Variants in CUL5 observed in about 807,000 individuals in gnomAD.
CUL5 encodes cullin-5.
A neutral mutation model predicts 108.8 loss-of-function variants in CUL5; 26 were observed. That is an observed-to-expected ratio of 0.24 (90% CI 0.18 to 0.33). CUL5 has a LOEUF of 0.33. CUL5 is among the 10% of genes least tolerant of loss of function. The pLI, the probability that CUL5 is intolerant of heterozygous loss-of-function variation, is 1.00. For synonymous variants in CUL5, 334 were observed against 298.0 expected (o/e 1.12, Z -1.25); for missense variants, 524 against 909.2 (o/e 0.58, Z 5.45).
chr11:108,044,359 T>TA (rs1254505081), intron 2 of CUL5, among the ~76,000 whole-genome samples: 1 of 151,106 alleles, frequency 6.6e-6, no homozygotes, highest in Non-Finnish European at 1.5e-5. Flanking sequence ...CTACAAAAAA[T>TA]AAAAAATTAG....
chr11:108,058,411 G>A (rs1863452308), intron 7 of CUL5, among the ~76,000 whole-genome samples: 1 of 150,998 alleles, frequency 6.6e-6, no homozygotes, highest in South Asian at 2.1e-4. Flanking sequence ...ACCACACCCG[G>A]CTAATTTTTT....
chr11:108,088,513 A>T lies in CUL5; in HGVS notation c.1179-14A>T. ...AATCATTTTTCCATCAACTGCTTTT[A>T]ATTTGTTTTTTAGGGTGGGATTAAA... On this transcript the variant is annotated splice_polypyrimidine_tract_variant and intron_variant, in intron 11 of 18. Coordinates refer to ENST00000393094, the MANE Select transcript of CUL5 (RefSeq NM_003478.6). The T allele has an allele frequency of 6.3e-7, 1 of 1,576,380 alleles. No homozygotes were observed. Among genetic ancestry groups the T allele is most frequent in the Non-Finnish European group, 8.6e-7 (1 of 1,168,118 alleles).
chr11:108,073,545 C>A, intron 10 of CUL5, 48 bp downstream of exon 10: 1 of 810,028 alleles, frequency 1.2e-6, no homozygotes, highest in Non-Finnish European at 1.9e-6. Context: ...GTTTTATTCT[C>A]ATAATTTACT....
chr11:108,098,183 A>C (rs946297835), intron 17 of CUL5, among the ~76,000 whole-genome samples: 16 of 152,194 alleles, frequency 1.1e-4, no homozygotes, highest in African/African-American at 3.9e-4. Flanking sequence ...CTTTGTTTTT[A>C]CAGAGAATGT....
At chr11:108,103,966 C>T (rs778904693) in intron 18 of CUL5, among the ~76,000 whole-genome samples, 5 of 152,116 alleles carry the variant, frequency 3.3e-5, no homozygotes, top group African/African-American at 7.2e-5. Flanking sequence ...CCTATCCCCC[C>T]ACCCCAATAA....
chr11:108,090,104 C>CT (rs749431513), intron 13 of CUL5, among the ~76,000 whole-genome samples: 4 of 151,860 alleles, frequency 2.6e-5, no homozygotes, highest in Non-Finnish European at 2.9e-5. Flanking sequence ...GTTCTTAATA[C>CT]TTTCAGTAAA....
In CUL5 at chr11:108,048,648, C is replaced by CTTTT. The variant is rs200991204; in HGVS notation, c.235-1209_235-1206dup. Among the ~76,000 whole-genome samples, 62 of 116,854 alleles carry CTTTT rather than the reference C, an allele frequency of 5.3e-4. 4 individuals are homozygous for CTTTT. Among genetic ancestry groups the CTTTT allele is most frequent in the South Asian group, 2.4e-3 (9 of 3,722 alleles). 76.7% of individuals were successfully genotyped at this position (116,854 alleles called of 152,430 possible). A position where few individuals can be genotyped will look rare whatever the true frequency, so the allele number is the denominator to read the frequency against. On this transcript the variant is annotated intron_variant, in intron 3 of 18. Transcript: ENST00000393094. ...ATAGTGGGGAAATAGACTCCACCACCTTTTTTTTTTTTTTTTTTTTTTTTT... is the reference window on the plus strand; with the variant it reads ...ATAGTGGGGAAATAGACTCCACCACCTTTTTTTTTTTTTTTTTTTTTTTTTTTTT...
At chr11:108,024,740 G>A (rs764202092) in intron 1 of CUL5, among the ~76,000 whole-genome samples, 3 of 152,084 alleles carry the variant, frequency 2.0e-5, no homozygotes, top group Non-Finnish European at 2.9e-5. Context: ...AAATTTGTTG[G>A]CCTTTATAAT....
Position 108,098,541 on chromosome 11 carries a change from TGACA to T in CUL5, c.2148+15_2148+18del. 1 of 1,497,564 alleles carries T rather than the reference TGACA, an allele frequency of 6.7e-7. No homozygotes were observed. The highest frequency in any genetic ancestry group is 1.8e-4 in the Middle Eastern group (1 of 5,612). 92.8% of individuals were successfully genotyped at this position (1,497,564 alleles called of 1,614,324 possible). On this transcript the variant is annotated intron_variant, in intron 18 of 18. Coordinates refer to ENST00000393094, the MANE Select transcript of CUL5 (RefSeq NM_003478.6). ...TACTAAGAACCCAGGTTTGTAATGT[TGACA>T]GAATGTCTGAAGTTTAAAAAAACTT...
intron 2 of CUL5, among the ~76,000 whole-genome samples, chr11:108,041,173 A>G (rs1201401625): frequency 6.6e-6 from 1 of 152,124 alleles, no homozygotes; most frequent in Non-Finnish European, 1.5e-5. Context: ...TGTCTCCTCT[A>G]CAGGGATCAC....
chr11:108,102,005 T>C (rs987607954), intron 18 of CUL5, among the ~76,000 whole-genome samples: 1 of 152,082 alleles, frequency 6.6e-6, no homozygotes. Context: ...TGTCATCATA[T>C]CTTTTATTTA....
At chr11:108,017,389 C>CAA (rs71840119) in intron 1 of CUL5, among the ~76,000 whole-genome samples, 11,784 of 102,436 alleles carry the variant, frequency 0.12, 1,015 homozygotes, top group African/African-American at 0.15. Context: ...GACCCTGTCT[C>CAA]AAAAAAAAAA....
At chr11:108,028,666 G>A (rs916625347) in intron 1 of CUL5, among the ~76,000 whole-genome samples, 5 of 151,914 alleles carry the variant, frequency 3.3e-5, no homozygotes, top group Non-Finnish European at 7.4e-5. Context: ...GTGAAACCCC[G>A]TCTCTACTAA....
chr11:108,033,084 A>G (rs775888952), intron 1 of CUL5, among the ~76,000 whole-genome samples: 2 of 152,214 alleles, frequency 1.3e-5, no homozygotes, highest in African/African-American at 2.4e-5. Context: ...ATGATTTGTT[A>G]TAGGGAAAGG....
In CUL5 at chr11:108,049,917, G is replaced by A; in HGVS notation, c.262G>A (p.Ala88Thr). ...AGTACTGAGCCATCAAGATGATACG[G>A]CTTTGCTAAAAGCATATATTGTTGA... ...ARVLSHQDDT[A>T]LLKAYIVEWR... is the part of the protein sequence containing the mutation. Residue 88 changes from alanine to threonine, a missense_variant, in exon 4 of 19, where the codon GCT becomes ACT. Ala to Thr is a moderately conservative substitution (Grantham distance 58). Around this residue, in one of 8 missense-constraint regions of CUL5, gnomAD observed 170 missense variants for 305.1 expected, o/e 0.56. Transcript: ENST00000393094. 6.2e-7 allele frequency: 1 copy of A among 1,613,308 alleles called. No homozygotes were observed. The highest frequency in any genetic ancestry group is 8.5e-7 in the Non-Finnish European group (1 of 1,179,726).
intron 11 of CUL5, 45 bp from the exon 12 acceptor site, chr11:108,088,482 A>G (rs760642230): frequency 6.5e-7 from 1 of 1,544,574 alleles, no homozygotes; most frequent in East Asian, 2.3e-5. Flanking sequence ...AATAATTGCA[A>G]ACATTAATCA....
chr11:108,092,687 G>A (rs1014572029), intron 13 of CUL5, among the ~76,000 whole-genome samples: 1 of 152,156 alleles, frequency 6.6e-6, no homozygotes, highest in Admixed American at 6.6e-5. Context: ...GGGAAATGAC[G>A]AGTGACTGTA....
At chr11:108,058,341 C>G (rs1863450301) in intron 7 of CUL5, among the ~76,000 whole-genome samples, 1 of 145,088 alleles carries the variant, frequency 6.9e-6, no homozygotes, top group South Asian at 2.3e-4. Flanking sequence ...CTCTGCTTCC[C>G]AGGTTCATGT....
Position 108,067,358 on chromosome 11 carries a change from T to C in CUL5, c.781-2738T>C, listed in dbSNP as rs73557129. ...CCAAATTCTTCTCAGTTTACTTTAA[T>C]TATGTTGTCAATTTAGCTCTCCTTT... On this transcript the variant is annotated intron_variant, in intron 7 of 18. Transcript: ENST00000393094. Among the ~76,000 whole-genome samples the C allele has an allele frequency of 1.0e-2, 1,519 of 152,308 alleles. 26 individuals carry two copies. The highest frequency in any genetic ancestry group is 0.035 in the African/African-American group (1,438 of 41,590).
Sources: gnomAD v4.1 joint callset for allele counts (sites outside exome capture counted in the v4.1 genomes callset) on GRCh38, gnomAD v4.1.1 for gene constraint, gnomAD v4.1.1 regional missense constraint, MANE v1.5 for transcripts, NCBI Gene and HGNC (gene_info 2026-07-23, HGNC 2026-07-21) for gene names.